The following ADCY9 variants were observed in gnomAD, a reference collection of about 807,000 sequenced individuals.
The protein encoded by ADCY9 is adenylate cyclase 9, also known as adenylate cyclase type 9.
ADCY9 carries 50 observed loss-of-function variants against 101.5 expected under a neutral mutation model. The observed-to-expected ratio is 0.49, with a 90% CI of 0.39 to 0.62. The LOEUF is 0.62. ADCY9 is among the 20% of genes least tolerant of loss of function. The pLI, the probability that ADCY9 is intolerant of heterozygous loss-of-function variation, is 0.00. For synonymous variants in ADCY9, 905 were observed against 769.3 expected (o/e 1.18, Z -2.92); for missense variants, 1,662 against 1,800.4 (o/e 0.92, Z 1.39).
intron 2 of ADCY9, among the ~76,000 whole-genome samples, chr16:4,075,806 G>T (rs2056863501): frequency 6.6e-6 from 1 of 151,570 alleles, no homozygotes; most frequent in African/African-American, 2.4e-5. Flanking sequence ...ACTGGATCTT[G>T]TAAGGTGGGC....
At chr16:4,011,484 G>A (rs943488622) in intron 2 of ADCY9, among the ~76,000 whole-genome samples, 1 of 152,212 alleles carries the variant, frequency 6.6e-6, no homozygotes, top group Non-Finnish European at 1.5e-5. Flanking sequence ...TGGGAGGCAC[G>A]GGAGTCAGGA....
At chr16:3,983,571 C>T (rs1029387499) in intron 6 of ADCY9, 131 bp from the exon 7 acceptor site, 43 of 747,542 alleles carry the variant, frequency 5.8e-5, no homozygotes, top group South Asian at 4.6e-4. Context: ...GGAAGGCTCT[C>T]GGAGGGCTGT....
rs777096277 is a variant in ADCY9 at position 4,113,916 on chromosome 16, C to A, written c.1527G>T (p.Val509=). Residue 509 remains valine (V), a synonymous_variant, in exon 2 of 11, where the codon GTG becomes GTT. Coordinates refer to ENST00000294016, the MANE Select transcript of ADCY9 (RefSeq NM_001116.4). ...ILGMRRFKFD[V]WSNDVNLANL... ...TGGCCAGGTTCACATCGTTGGACCA[C>A]ACGTCAAATTTAAACCTCCTCATGC... 6.2e-7 allele frequency: 1 copy of A among 1,614,190 alleles called. No individual in the cohort carries two copies. The highest frequency in any genetic ancestry group is 8.5e-7 in the Non-Finnish European group (1 of 1,180,042).
At chr16:3,991,108 C>T (rs576304384) in intron 5 of ADCY9, among the ~76,000 whole-genome samples, 16 of 152,068 alleles carry the variant, frequency 1.1e-4, no homozygotes, top group Non-Finnish European at 1.6e-4. Context: ...CTGAAAATCA[C>T]CCTTTGAGGC....
intron 2 of ADCY9, among the ~76,000 whole-genome samples, chr16:4,037,961 C>T (rs1251298524): frequency 6.6e-6 from 1 of 152,194 alleles, no homozygotes; most frequent in Non-Finnish European, 1.5e-5. Flanking sequence ...GTTTAAACTT[C>T]ATCACGAAGG....
At chr16:4,052,443 C>G (rs1271042644) in intron 2 of ADCY9, among the ~76,000 whole-genome samples, 1 of 152,000 alleles carries the variant, frequency 6.6e-6, no homozygotes, top group African/African-American at 2.4e-5. Flanking sequence ...TCAAATTATT[C>G]CGGAAAAAAG....
intron 5 of ADCY9, among the ~76,000 whole-genome samples, chr16:3,954,660 C>A (rs139225131): frequency 6.6e-6 from 1 of 152,064 alleles, no homozygotes; most frequent in Non-Finnish European, 1.5e-5. Flanking sequence ...CAGCATCGCA[C>A]GTTGATGCTG....
chr16:4,025,017 G>A (rs372933998), intron 2 of ADCY9, among the ~76,000 whole-genome samples: 8 of 151,664 alleles, frequency 5.3e-5, no homozygotes, highest in African/African-American at 1.7e-4. Context: ...GAGCTGCAAT[G>A]TTTTGAACGG....
chr16:3,986,678 G>A (rs1395170589), intron 6 of ADCY9, among the ~76,000 whole-genome samples: 2 of 151,936 alleles, frequency 1.3e-5, no homozygotes, highest in African/African-American at 2.4e-5. Flanking sequence ...GGCTGGTCTC[G>A]AACTCCTGAC....
chr16:3,977,385 G>A, intron 9 of ADCY9, 97 bp downstream of exon 9: 2 of 1,438,432 alleles, frequency 1.4e-6, no homozygotes, highest in Non-Finnish European at 1.9e-6. Context: ...TCTCTATCGG[G>A]GCGTGAGAAG....
chr16:3,959,417 C>T (rs1418304484), downstream of ADCY9, among the ~76,000 whole-genome samples: 1 of 151,712 alleles, frequency 6.6e-6, no homozygotes, highest in Non-Finnish European at 1.5e-5. Flanking sequence ...TGGAAAGTCC[C>T]TTCAGTTTAT....
In ADCY9 at chr16:4,115,954, G is replaced by C. The variant is rs2057149120; in HGVS notation, c.-308C>G. On this transcript the variant is annotated 5_prime_UTR_variant, in exon 1 of 11. Coordinates refer to ENST00000294016, the MANE Select transcript of ADCY9 (RefSeq NM_001116.4). This position sits in a 1 kb window ranked among gnomAD's most constrained non-coding sequence, Gnocchi z 6.2. ...GGAGCCGCGCTCCGATGCGTCAAAG[G>C]CGGCGCGCGGCCGGCCCCGGGCCCG... The C allele has an allele frequency of 6.7e-6, 2 of 299,052 alleles. No homozygotes were observed. Among genetic ancestry groups the C allele is most frequent in the Non-Finnish European group, 5.5e-6 (1 of 180,216 alleles). 18.5% of individuals were successfully genotyped at this position (299,052 alleles called of 1,614,324 possible).
intron 10 of ADCY9, among the ~76,000 whole-genome samples, chr16:3,971,684 G>T (rs555400948): frequency 6.6e-6 from 1 of 152,162 alleles, no homozygotes; most frequent in African/African-American, 2.4e-5. Context: ...AGCCCCGCTC[G>T]TTGGGTTAGG....
chr16:4,008,849 G>A (rs774321114), intron 2 of ADCY9, among the ~76,000 whole-genome samples: 5 of 152,096 alleles, frequency 3.3e-5, no homozygotes, highest in African/African-American at 4.8e-5. Context: ...GCACCCGGTC[G>A]CAGGGACCCT....
At chr16:3,961,214 G>A (rs2055936093), downstream of ADCY9, among the ~76,000 whole-genome samples, 1 of 152,178 alleles carries the variant, frequency 6.6e-6, no homozygotes, top group Admixed American at 6.5e-5. Flanking sequence ...TTGGGAGGCT[G>A]AGGAGGACGG....
At chr16:4,046,772 G>A (rs201587881) in intron 2 of ADCY9, among the ~76,000 whole-genome samples, 2 of 152,060 alleles carry the variant, frequency 1.3e-5, no homozygotes, top group East Asian at 1.9e-4. Context: ...AAAGAGCTTC[G>A]CTAGAGCCCA....
intron 2 of ADCY9, among the ~76,000 whole-genome samples, chr16:4,014,616 T>C (rs1416169848): frequency 6.6e-6 from 1 of 151,454 alleles, no homozygotes; most frequent in East Asian, 2.0e-4. Flanking sequence ...CCTGGCTAAT[T>C]TTTGTGTTTT....
Position 4,098,539 on chromosome 16 carries a change from T to C in ADCY9, c.1693+15211A>G, listed in dbSNP as rs2057023005. ...ATGAGCCACTGTGTCTGGCCTGTAA[T>C]ATTCATTCATTTATTCATTCATTCA... On this transcript the variant is annotated intron_variant, in intron 2 of 10. Transcript: ENST00000294016. 2.0e-5 allele frequency among the ~76,000 whole-genome samples: 3 copies of C among 152,116 alleles called. No homozygotes were observed. In the South Asian group the frequency reaches 6.2e-4, roughly 32 times the overall value.
Position 3,964,736 on chromosome 16 carries a change from T to C in ADCY9, c.*1039A>G, listed in dbSNP as rs2055972367. The C allele has an allele frequency of 6.6e-6, 1 of 152,414 alleles. No individual in the cohort carries two copies. Among genetic ancestry groups the C allele is most frequent in the South Asian group, 2.1e-4 (1 of 4,830 alleles). 9.4% of individuals were successfully genotyped at this position (152,414 alleles called of 1,614,324 possible). On this transcript the variant is annotated 3_prime_UTR_variant, in exon 11 of 11. Coordinates refer to ENST00000294016, the MANE Select transcript of ADCY9 (RefSeq NM_001116.4). ...CTTTGAGGTCCCACTCAGACCCCTCTTGGGGTGGGGAGGTTGGGGGCGGCC... is the reference window on the plus strand; with the variant it reads ...CTTTGAGGTCCCACTCAGACCCCTCCTGGGGTGGGGAGGTTGGGGGCGGCC...
Sources: gnomAD v4.1 joint callset for allele counts (sites outside exome capture counted in the v4.1 genomes callset) on GRCh38, gnomAD v4.1.1 for gene constraint, Gnocchi (gnomAD v3.1) non-coding constraint, MANE v1.5 for transcripts, NCBI Gene and HGNC (gene_info 2026-07-23, HGNC 2026-07-21) for gene names.